The following GABRA4 variants were observed in gnomAD, a reference collection of about 807,000 sequenced individuals.
GABRA4 encodes gamma-aminobutyric acid type A receptor subunit alpha4.
GABRA4 carries 12 observed loss-of-function variants against 49.7 expected under a neutral mutation model. The ratio of observed to expected loss-of-function variants is 0.24; its 90% confidence interval spans 0.15 to 0.39. The LOEUF (loss-of-function observed/expected upper bound fraction) is 0.39, where lower values mean the gene tolerates loss of function less well. Among genes scored for constraint, GABRA4 ranks in the 10% least tolerant of loss-of-function variants. The pLI, the probability that GABRA4 is intolerant of heterozygous loss-of-function variation, is 1.00. For missense variants in GABRA4, 506 were observed against 686.0 expected (o/e 0.74, Z 2.93); for synonymous variants, 288 against 240.2 (o/e 1.20, Z -1.84).
chr4:46,941,774 CTA>C (rs1305163107), intron 8 of GABRA4, among the ~76,000 whole-genome samples: 2 of 152,052 alleles, frequency 1.3e-5, no homozygotes, highest in Non-Finnish European at 2.9e-5. Context: ...TGGAGCAACA[CTA>C]AGAACTAACT....
chr4:46,989,356 C>T (rs1160052807), intron 2 of GABRA4, among the ~76,000 whole-genome samples: 1 of 152,154 alleles, frequency 6.6e-6, no homozygotes, highest in Non-Finnish European at 1.5e-5. Context: ...CACTTGTGTG[C>T]TATGTCTAGA....
intron 8 of GABRA4, among the ~76,000 whole-genome samples, chr4:46,943,401 A>G (rs1029148147): frequency 3.3e-5 from 5 of 152,132 alleles, no homozygotes; most frequent in Non-Finnish European, 1.5e-5. Context: ...TCACCTGGCT[A>G]TTGCACAACC....
At chr4:46,984,025 T>C (rs550063930) in intron 2 of GABRA4, among the ~76,000 whole-genome samples, 1 of 152,124 alleles carries the variant, frequency 6.6e-6, no homozygotes, top group African/African-American at 2.4e-5. Context: ...GGAAGGCAAT[T>C]AACGATGAAT....
chr4:46,928,375 T>G lies in GABRA4; in HGVS notation c.1515A>C (p.Pro505=), dbSNP rs550641669. 4.3e-6 allele frequency: 7 copies of G among 1,613,668 alleles called. No homozygotes were observed. ...ATGKLSATPP[P]SAPPPSGSGT... ...CAGATCCAGAAGGTGGTGGAGCCGA[T>G]GGAGGAGGAGTAGCTGACAACTTCC... The change falls in exon 9 of 9, where the codon CCA becomes CCC. Residue 505 remains proline (P), a synonymous_variant. Transcript: ENST00000264318.
At chr4:46,990,811 G>T (rs2109412103) in intron 2 of GABRA4, among the ~76,000 whole-genome samples, 1 of 152,246 alleles carries the variant, frequency 6.6e-6, no homozygotes, top group Non-Finnish European at 1.5e-5. Context: ...TGCAGTGTAG[G>T]CAACCTATCC....
chr4:46,961,695 G>A (rs1198806492), intron 8 of GABRA4, among the ~76,000 whole-genome samples: 1 of 151,816 alleles, frequency 6.6e-6, no homozygotes, highest in Non-Finnish European at 1.5e-5. Context: ...GCAAACAAAG[G>A]GAGTCTTAGA....
intron 2 of GABRA4, among the ~76,000 whole-genome samples, chr4:46,980,774 T>A (rs765554104): frequency 6.6e-6 from 1 of 152,078 alleles, no homozygotes; most frequent in Non-Finnish European, 1.5e-5. Flanking sequence ...GCAGGTAATG[T>A]GTGCTGAACC....
chr4:46,935,041 A>G (rs2109341302), intron 8 of GABRA4, among the ~76,000 whole-genome samples: 1 of 152,346 alleles, frequency 6.6e-6, no homozygotes, highest in South Asian at 2.1e-4. Flanking sequence ...GTAGAAAAGC[A>G]GTATTGTGGT....
At position 46,928,261 on chromosome 4, in the gene GABRA4, A is replaced by C. The variant is rs776947681; in HGVS notation, c.1629T>G (p.Ser543=). The C allele has an allele frequency of 6.2e-7, 1 of 1,612,520 alleles. No homozygotes were observed. The highest frequency in any genetic ancestry group is 2.2e-5 in the East Asian group (1 of 44,862). The change falls in exon 9 of 9, where the codon TCT becomes TCG. Residue 543 remains serine, a synonymous_variant. Coordinates refer to ENST00000264318, the MANE Select transcript of GABRA4 (RefSeq NM_000809.4). ...FNMVYWVVYL[S]KDTMEKSESL... ...TTTCTGATTTCTCCATAGTGTCCTT[A>C]GATAAATAAACAACCCAATAAACCA... is the stretch of plus-strand genomic sequence containing the variant.
chr4:46,949,528 C>A (rs930714419), intron 8 of GABRA4, among the ~76,000 whole-genome samples: 8 of 151,950 alleles, frequency 5.3e-5, no homozygotes, highest in African/African-American at 1.9e-4. Context: ...TCAAACTATC[C>A]ATTGTAGATT....
At chr4:46,929,981 A>C (rs1257439951) in intron 8 of GABRA4, among the ~76,000 whole-genome samples, 1 of 152,122 alleles carries the variant, frequency 6.6e-6, no homozygotes, top group African/African-American at 2.4e-5. Context: ...CTCACTTTAG[A>C]CATAAAGGTT....
chr4:46,947,764 G>A (rs1194763262), intron 8 of GABRA4, among the ~76,000 whole-genome samples: 1 of 152,062 alleles, frequency 6.6e-6, no homozygotes, highest in Non-Finnish European at 1.5e-5. Context: ...TGACTTAAAA[G>A]CATGTGTTTC....
intron 3 of GABRA4, among the ~76,000 whole-genome samples, chr4:46,978,101 A>C: frequency 6.6e-6 from 1 of 152,066 alleles, no homozygotes; most frequent in East Asian, 1.9e-4. Context: ...CAAGGGTTTC[A>C]AATTACTAGG....
At chr4:46,947,324 C>T (rs2109353959) in intron 8 of GABRA4, among the ~76,000 whole-genome samples, 1 of 152,134 alleles carries the variant, frequency 6.6e-6, no homozygotes, top group East Asian at 1.9e-4. Context: ...AAGGTCTGGG[C>T]ATATTTTATG....
At chr4:46,982,235 T>C (rs1177281863) in intron 2 of GABRA4, among the ~76,000 whole-genome samples, 1 of 152,130 alleles carries the variant, frequency 6.6e-6, no homozygotes, top group Non-Finnish European at 1.5e-5. Flanking sequence ...ATTCCTATGA[T>C]GAAGTCCTAA....
At chr4:46,932,886 T>A (rs1165292683) in intron 8 of GABRA4, among the ~76,000 whole-genome samples, 1 of 152,182 alleles carries the variant, frequency 6.6e-6, no homozygotes, top group Non-Finnish European at 1.5e-5. Flanking sequence ...ACCTGTCCAT[T>A]CATTATTTGT....
In GABRA4 at chr4:46,925,142, A is replaced by G. The variant is rs1446501068; in HGVS notation, c.*3083T>C. ...AAGGGGTCACTTTTAAGGTGAGATT[A>G]TTGAAAAATGACCTTTCAAAGTTCT... On this transcript the variant is annotated 3_prime_UTR_variant, in exon 9 of 9. Coordinates refer to ENST00000264318, the MANE Select transcript of GABRA4 (RefSeq NM_000809.4). 1 of 151,934 alleles carries G rather than the reference A, an allele frequency of 6.6e-6. No homozygotes were observed. The highest frequency in any genetic ancestry group is 1.5e-5 in the Non-Finnish European group (1 of 67,880). 9.4% of individuals were successfully genotyped at this position (151,934 alleles called of 1,614,324 possible).
chr4:46,957,105 G>A (rs1241891751), intron 8 of GABRA4, among the ~76,000 whole-genome samples: 2 of 151,840 alleles, frequency 1.3e-5, no homozygotes, highest in Non-Finnish European at 2.9e-5. Flanking sequence ...ACTGTACTGG[G>A]TACTTTATGG....
At chr4:46,960,681 A>C (rs1722544531) in intron 8 of GABRA4, among the ~76,000 whole-genome samples, 1 of 151,686 alleles carries the variant, frequency 6.6e-6, no homozygotes, top group Admixed American at 6.6e-5. Context: ...AAATAATTAT[A>C]ATAATATTAC....
Sources: gnomAD v4.1 joint callset for allele counts (sites outside exome capture counted in the v4.1 genomes callset) on GRCh38, gnomAD v4.1.1 for gene constraint, MANE v1.5 for transcripts, NCBI Gene and HGNC (gene_info 2026-07-23, HGNC 2026-07-21) for gene names.